The following NINL variants were observed in gnomAD, a reference collection of about 807,000 sequenced individuals.
The protein encoded by NINL is ninein like, also known as ninein-like protein.
A neutral mutation model predicts 160.3 loss-of-function variants in NINL; 153 were observed. That is an observed-to-expected ratio of 0.95 (90% CI 0.84 to 1.09). NINL has a LOEUF of 1.09. Among genes scored for constraint, NINL ranks in the 50% least tolerant of loss-of-function variants. The pLI, the probability that NINL is intolerant of heterozygous loss-of-function variation, is 0.00. For missense variants in NINL, 1,829 were observed against 1,764.0 expected (o/e 1.04, Z -0.66); for synonymous variants, 800 against 734.8 (o/e 1.09, Z -1.43).
intron 18 of NINL, among the ~76,000 whole-genome samples, chr20:25,468,685 C>CAA (rs1424521339): frequency 1.4e-5 from 2 of 144,252 alleles, no homozygotes; most frequent in South Asian, 2.3e-4. Flanking sequence ...TGCCCTGTCC[C>CAA]CTGTCACTGG....
chr20:25,459,208 C>G (rs1354688834), intron 21 of NINL, among the ~76,000 whole-genome samples: 1 of 152,212 alleles, frequency 6.6e-6, no homozygotes, highest in Non-Finnish European at 1.5e-5. Flanking sequence ...GAGTGGGAAT[C>G]ACGCACGCTC....
rs531020063 is a variant in NINL at position 25,507,529 on chromosome 20, T to A, written c.518-2451A>T. On this transcript the variant is annotated intron_variant, in intron 5 of 23. Transcript: ENST00000278886. ...GTGTCCAGCCAGACATGTTCCTCTA[T>A]GCCTCATCCACACCACCTAGCCCAG... Among the ~76,000 whole-genome samples the A allele has an allele frequency of 3.3e-5, 5 of 152,328 alleles. 1 individual carries two copies. Among genetic ancestry groups the A allele is most frequent in the African/African-American group, 9.6e-5 (4 of 41,572 alleles).
intron 17 of NINL, among the ~76,000 whole-genome samples, chr20:25,472,323 G>GTATA (rs1568859320): frequency 1.9e-3 from 104 of 54,624 alleles, no homozygotes; most frequent in African/African-American, 4.6e-3. Flanking sequence ...TGGGAGGAGA[G>GTATA]GATATATATA....
intron 21 of NINL, among the ~76,000 whole-genome samples, chr20:25,460,797 C>T (rs13038834): frequency 0.39 from 59,011 of 152,046 alleles, 12,904 homozygotes; most frequent in East Asian, 0.92. Flanking sequence ...GAGGCTCAGC[C>T]GAGCCTCACA....
At chr20:25,581,594 T>C (rs1470729644) in intron 1 of NINL, among the ~76,000 whole-genome samples, 1 of 152,220 alleles carries the variant, frequency 6.6e-6, no homozygotes, top group East Asian at 1.9e-4. Flanking sequence ...TGATGACAGA[T>C]TGAATTGATC....
chr20:25,576,228 T>A (rs113401800), intron 1 of NINL, among the ~76,000 whole-genome samples: 1 of 152,238 alleles, frequency 6.6e-6, no homozygotes, highest in African/African-American at 2.4e-5. Flanking sequence ...GTCTTTGGAG[T>A]AGACACAGGC....
At chr20:25,507,512 C>T (rs1235807447) in intron 5 of NINL, among the ~76,000 whole-genome samples, 1 of 152,166 alleles carries the variant, frequency 6.6e-6, no homozygotes, top group Admixed American at 6.5e-5. Context: ...ATGTGTCCAG[C>T]CAGACATGTT....
chr20:25,484,541 C>T (rs923463710), intron 13 of NINL, among the ~76,000 whole-genome samples: 8 of 152,154 alleles, frequency 5.3e-5, no homozygotes, highest in Admixed American at 2.0e-4. Context: ...AGCAAGCAGC[C>T]GAGGACTCTC....
intron 5 of NINL, among the ~76,000 whole-genome samples, chr20:25,506,654 A>C (rs2063967616): frequency 6.6e-6 from 1 of 152,216 alleles, no homozygotes; most frequent in Non-Finnish European, 1.5e-5. Context: ...CACAAAGCCT[A>C]TTTTAGACTA....
At chr20:25,516,870 C>G (rs898236650) in intron 3 of NINL, among the ~76,000 whole-genome samples, 4 of 152,144 alleles carry the variant, frequency 2.6e-5, no homozygotes, top group African/African-American at 9.7e-5. Flanking sequence ...AGTGCACACA[C>G]AAGGGCCCAG....
At chr20:25,561,494 ATCG>A (rs1016782600) in intron 1 of NINL, among the ~76,000 whole-genome samples, 5 of 132,026 alleles carry the variant, frequency 3.8e-5, no homozygotes, top group Admixed American at 3.0e-4. Flanking sequence ...CTGGCCGCCC[ATCG>A]TCTGGGATGT....
At chr20:25,467,699 G>A (rs185389040) in intron 18 of NINL, among the ~76,000 whole-genome samples, 1 of 151,940 alleles carries the variant, frequency 6.6e-6, no homozygotes, top group East Asian at 1.9e-4. Flanking sequence ...TGAAACTGTC[G>A]GATTACTAGA....
At chr20:25,562,261 C>T in intron 1 of NINL, among the ~76,000 whole-genome samples, 1 of 105,022 alleles carries the variant, frequency 9.5e-6, no homozygotes, top group African/African-American at 3.7e-5. Flanking sequence ...GTGAGGAGCC[C>T]CTCTGCCCGG....
chr20:25,482,986 T>C (rs2063426921), intron 13 of NINL, among the ~76,000 whole-genome samples: 2 of 149,194 alleles, frequency 1.3e-5, no homozygotes, highest in African/African-American at 5.1e-5. Context: ...ATCATGCCAT[T>C]CATTGCACTC....
In NINL at chr20:25,541,061, T is replaced by TA. The variant is rs1363448810; in HGVS notation, c.-11-14464dup. ...TTCCCTACAAAGTAGATTTTTAGAC[T>TA]AAAAACTACAAAGATACCAAATGTT... On this transcript the variant is annotated intron_variant, in intron 1 of 23. Transcript: ENST00000278886. Among the ~76,000 whole-genome samples the TA allele has an allele frequency of 4.6e-5, 7 of 152,266 alleles. No individual in the cohort carries two copies. The South Asian group carries it at 1.5e-3, about 32-fold the overall frequency.
chr20:25,571,840 C>T (rs1245717776), intron 1 of NINL, among the ~76,000 whole-genome samples: 3 of 123,220 alleles, frequency 2.4e-5, no homozygotes, highest in African/African-American at 8.9e-5. Context: ...TGCACTCCAG[C>T]CTGGTCAAGA....
intron 12 of NINL, 47 bp from the exon 13 acceptor site, chr20:25,489,371 G>A: frequency 6.4e-7 from 1 of 1,553,040 alleles, no homozygotes; most frequent in Non-Finnish European, 8.8e-7. Flanking sequence ...TCGGGCCAGA[G>A]GGGGACCTGC....
At chr20:25,460,492 G>T (rs1357441873) in intron 21 of NINL, among the ~76,000 whole-genome samples, 1 of 152,214 alleles carries the variant, frequency 6.6e-6, no homozygotes, top group Non-Finnish European at 1.5e-5. Flanking sequence ...CAGGTGCTGA[G>T]GAAGTGCTGG....
intron 7 of NINL, among the ~76,000 whole-genome samples, chr20:25,502,808 A>T (rs1190498935): frequency 1.3e-5 from 2 of 152,068 alleles, no homozygotes; most frequent in Non-Finnish European, 2.9e-5. Context: ...TTCTGCCATG[A>T]TTGTAAGCTT....
Sources: gnomAD v4.1 joint callset for allele counts (sites outside exome capture counted in the v4.1 genomes callset) on GRCh38, gnomAD v4.1.1 for gene constraint, MANE v1.5 for transcripts, NCBI Gene and HGNC (gene_info 2026-07-23, HGNC 2026-07-21) for gene names.